TMEM26: variants seen among roughly 807,000 people sequenced by gnomAD.
The protein encoded by TMEM26 is transmembrane protein 26.
TMEM26 carries 38 observed loss-of-function variants against 28.8 expected under a neutral mutation model. That is an observed-to-expected ratio of 1.32 (90% CI 1.02 to 1.73). The LOEUF is 1.73. TMEM26 is among the 40% of genes most tolerant of loss of function. The pLI is 0.00. For synonymous variants in TMEM26, 227 were observed against 182.9 expected, an observed-to-expected ratio of 1.24 and a Z score of -1.95; for missense variants, 518 against 447.1, an observed-to-expected ratio of 1.16 and a Z score of -1.43.
chr10:61,428,732 T>C (rs566255863), intron 4 of TMEM26, among the ~76,000 whole-genome samples, 194 bp downstream of exon 4: 37 of 152,240 alleles, frequency 2.4e-4, no homozygotes, highest in African/African-American at 8.7e-4. Flanking sequence ...AAATCTCCTT[T>C]GTGTATTTCT....
intron 1 of TMEM26, among the ~76,000 whole-genome samples, chr10:61,444,655 A>T (rs1203388287): frequency 1.7e-5 from 2 of 117,536 alleles, no homozygotes; most frequent in African/African-American, 9.8e-5. Context: ...TCATAATTTA[A>T]AAAAAAAAAA....
At chr10:61,443,592 T>C (rs1002157667) in intron 1 of TMEM26, among the ~76,000 whole-genome samples, 3 of 152,210 alleles carry the variant, frequency 2.0e-5, no homozygotes, top group African/African-American at 7.2e-5. Flanking sequence ...TCCATTGCAA[T>C]GAAATCTTTC....
intron 1 of TMEM26, among the ~76,000 whole-genome samples, chr10:61,444,206 A>T (rs1007556921): frequency 6.6e-6 from 1 of 152,196 alleles, no homozygotes; most frequent in Admixed American, 6.5e-5. Context: ...ATGTCATTTT[A>T]TACTGTTCTC....
chr10:61,423,519 G>A (rs1378643260), intron 4 of TMEM26, among the ~76,000 whole-genome samples: 2 of 152,116 alleles, frequency 1.3e-5, no homozygotes, highest in East Asian at 1.9e-4. Flanking sequence ...TTAGGCCGGG[G>A]GACTGAAACC....
At chr10:61,438,162 C>T (rs1319370685) in intron 1 of TMEM26, among the ~76,000 whole-genome samples, 2 of 152,076 alleles carry the variant, frequency 1.3e-5, no homozygotes, top group East Asian at 3.8e-4. Flanking sequence ...TATAGATACT[C>T]CCCCACCTTT....
At chr10:61,452,540 A>G (rs763997644) in intron 1 of TMEM26, 7 of 236,472 alleles carry the variant, frequency 3.0e-5, no homozygotes, top group Non-Finnish European at 5.1e-5. Context: ...TTCAGAAGGC[A>G]CACTACATGG....
In TMEM26 at chr10:61,410,154, C is replaced by T. The variant is rs372467343; in HGVS notation, c.*168G>A. ...TAGCAATAGTCACTAATCAAAGTTC[C>T]TTCTATTCAGTTGAAAAAAGAAAAT... On this transcript the variant is annotated 3_prime_UTR_variant, in exon 6 of 6. Coordinates refer to ENST00000399298, the MANE Select transcript of TMEM26 (RefSeq NM_178505.8). The T allele has an allele frequency of 7.9e-5, 54 of 679,450 alleles. No homozygotes were observed. Among genetic ancestry groups the T allele is most frequent in the African/African-American group, 7.8e-4 (43 of 55,394 alleles). 42.1% of individuals were successfully genotyped at this position (679,450 alleles called of 1,614,324 possible). A position where few individuals can be genotyped will look rare whatever the true frequency, so the allele number is the denominator to read the frequency against.
intron 4 of TMEM26, chr10:61,413,772 C>T (rs2135286712): frequency 8.5e-7 from 1 of 1,175,230 alleles, no homozygotes. Context: ...GACAAAGCCT[C>T]TTGGTCCCAT....
At chr10:61,416,043 C>T (rs1839646532) in intron 4 of TMEM26, 1 of 443,970 alleles carries the variant, frequency 2.3e-6, no homozygotes, top group African/African-American at 2.0e-5. Flanking sequence ...AAAGTAGTTT[C>T]TAATAATATT....
chr10:61,434,358 TG>T (rs1215465448), intron 2 of TMEM26, among the ~76,000 whole-genome samples: 1 of 152,230 alleles, frequency 6.6e-6, no homozygotes, highest in Non-Finnish European at 1.5e-5. Context: ...GCACGTTATT[TG>T]TTGTAACGGG....
intron 1 of TMEM26, among the ~76,000 whole-genome samples, chr10:61,447,879 G>C (rs1037072749): frequency 2.0e-5 from 3 of 152,006 alleles, no homozygotes; most frequent in African/African-American, 7.2e-5. Flanking sequence ...AAACCACTGG[G>C]GCCTTCAGAG....
chr10:61,439,480 T>C (rs993975319), intron 1 of TMEM26, among the ~76,000 whole-genome samples: 12 of 152,232 alleles, frequency 7.9e-5, no homozygotes, highest in African/African-American at 2.7e-4. Flanking sequence ...ATAAAGTCAA[T>C]AGAGACTACT....
intron 1 of TMEM26, among the ~76,000 whole-genome samples, chr10:61,448,167 G>A (rs1342303666): frequency 6.6e-6 from 1 of 152,260 alleles, no homozygotes; most frequent in Non-Finnish European, 1.5e-5. Context: ...TGCCCACCCA[G>A]GAGGTTCCCT....
At chr10:61,417,746 C>G (rs1839677296) in intron 4 of TMEM26, among the ~76,000 whole-genome samples, 2 of 152,046 alleles carry the variant, frequency 1.3e-5, no homozygotes, top group South Asian at 2.1e-4. Flanking sequence ...GGAAAAAAGA[C>G]TGCACAAAGT....
chr10:61,425,955 A>T (rs1839824586), intron 4 of TMEM26, among the ~76,000 whole-genome samples: 1 of 152,206 alleles, frequency 6.6e-6, no homozygotes, highest in Non-Finnish European at 1.5e-5. Flanking sequence ...CCAAAGAGAA[A>T]TGAAAACATA....
Position 61,453,171 on chromosome 10 carries a change from GACA to G in TMEM26, c.-93_-91del. On this transcript the variant is annotated 5_prime_UTR_variant, in exon 1 of 6. Transcript: ENST00000399298. Reference sequence around the variant, plus strand: ...GGAGCCCACCGGTGAGCAGGAATATGACAAGCACTGAGACCTGCTGCTGCTTGT... The same window carrying G: ...GGAGCCCACCGGTGAGCAGGAATATGAGCACTGAGACCTGCTGCTGCTTGT... The G allele has an allele frequency of 7.4e-7, 1 of 1,348,646 alleles. No homozygotes were observed. The highest frequency in any genetic ancestry group is 1.4e-5 in the African/African-American group (1 of 69,812). The allele number at this position is 1,348,646 out of a possible 1,614,324, so 83.5% of individuals were successfully genotyped here.
At chr10:61,437,797 C>A (rs145090624) in intron 1 of TMEM26, among the ~76,000 whole-genome samples, 1 of 152,024 alleles carries the variant, frequency 6.6e-6, no homozygotes, top group Admixed American at 6.6e-5. Context: ...AAAAAACAAA[C>A]AAATAAAAAA....
At chr10:61,411,093 A>C (rs544260848) in intron 5 of TMEM26, among the ~76,000 whole-genome samples, 1 of 152,312 alleles carries the variant, frequency 6.6e-6, no homozygotes, top group East Asian at 1.9e-4. Flanking sequence ...ATAAAAAATA[A>C]AGGAAGCCAC....
intron 4 of TMEM26, among the ~76,000 whole-genome samples, chr10:61,428,457 C>G (rs1415983540): frequency 6.6e-6 from 1 of 152,104 alleles, no homozygotes; most frequent in African/African-American, 2.4e-5. Flanking sequence ...CCAGGGAATG[C>G]AAATCCCCAA....
Sources: gnomAD v4.1 joint callset for allele counts (sites outside exome capture counted in the v4.1 genomes callset) on GRCh38, gnomAD v4.1.1 for gene constraint, MANE v1.5 for transcripts, NCBI Gene and HGNC (gene_info 2026-07-23, HGNC 2026-07-21) for gene names.